OPCML: variants seen among roughly 807,000 people sequenced by gnomAD.
OPCML encodes opioid binding protein/cell adhesion molecule like, also known as opioid-binding protein/cell adhesion molecule.
A neutral mutation model predicts 37.8 loss-of-function variants in OPCML; 13 were observed. The ratio of observed to expected loss-of-function variants is 0.34; its 90% CI spans 0.22 to 0.55. The LOEUF (loss-of-function observed/expected upper bound fraction) is 0.55. Ranked by LOEUF, OPCML falls within the 20% of genes least tolerant of loss-of-function variation. The probability of loss-of-function intolerance (pLI) is 0.91; values close to 1 mark genes in which losing one functional copy is unlikely to be tolerated. For synonymous variants in OPCML, 176 were observed against 168.8 expected (o/e 1.04, Z -0.33); for missense variants, 341 against 435.6 (o/e 0.78, Z 1.93).
At chr11:132,784,079 A>G (rs1947122070) in intron 2 of OPCML, among the ~76,000 whole-genome samples, 1 of 152,198 alleles carries the variant, frequency 6.6e-6, no homozygotes, top group Admixed American at 6.5e-5. Flanking sequence ...GACTGTATAT[A>G]AAAATAAAAC....
At chr11:133,308,530 C>T (rs1170780386) in intron 1 of OPCML, among the ~76,000 whole-genome samples, 1 of 151,968 alleles carries the variant, frequency 6.6e-6, no homozygotes, top group Non-Finnish European at 1.5e-5. Context: ...AAATATACTG[C>T]AGATATATGG....
At chr11:133,010,320 T>A (rs890068621) in intron 1 of OPCML, among the ~76,000 whole-genome samples, 37 of 152,216 alleles carry the variant, frequency 2.4e-4, no homozygotes, top group Admixed American at 2.2e-3. Flanking sequence ...CAGAAAGTGT[T>A]TGTCATTATT....
At chr11:132,635,104 GAGT>G (rs1437747696) in intron 3 of OPCML, among the ~76,000 whole-genome samples, 1 of 152,144 alleles carries the variant, frequency 6.6e-6, no homozygotes, top group African/African-American at 2.4e-5. Context: ...TTACAGTGTG[GAGT>G]AGTTCTTCTG....
At chr11:132,898,169 C>T (rs774019535) in intron 2 of OPCML, among the ~76,000 whole-genome samples, 5 of 152,208 alleles carry the variant, frequency 3.3e-5, no homozygotes, top group Admixed American at 1.3e-4. Flanking sequence ...CAGAGACCAA[C>T]GCTGAAACCC....
At chr11:132,957,515 C>G (rs1158790384) in intron 1 of OPCML, among the ~76,000 whole-genome samples, 2 of 151,934 alleles carry the variant, frequency 1.3e-5, no homozygotes, top group Non-Finnish European at 2.9e-5. Flanking sequence ...TATAAATAAA[C>G]AAACACACAT....
intron 1 of OPCML, among the ~76,000 whole-genome samples, chr11:133,400,022 G>A (rs1029814129): frequency 1.6e-4 from 24 of 152,140 alleles, no homozygotes; most frequent in Non-Finnish European, 3.2e-4. Context: ...AGGGCCACCT[G>A]TCTTCCATAA....
intron 1 of OPCML, among the ~76,000 whole-genome samples, chr11:133,373,074 T>A (rs143057701): frequency 6.6e-6 from 1 of 152,214 alleles, no homozygotes; most frequent in Non-Finnish European, 1.5e-5. Flanking sequence ...AGAAAAAAAT[T>A]AATACAGTGC....
At chr11:132,802,405 A>G (rs548913903) in intron 2 of OPCML, among the ~76,000 whole-genome samples, 4 of 152,252 alleles carry the variant, frequency 2.6e-5, no homozygotes, top group Admixed American at 2.0e-4. Context: ...TGCATCATGA[A>G]TCACCCTTTG....
intron 1 of OPCML, among the ~76,000 whole-genome samples, chr11:133,482,347 G>A (rs776448211): frequency 5.3e-5 from 8 of 152,210 alleles, no homozygotes; most frequent in Non-Finnish European, 1.0e-4. Context: ...GGTGGCTAGC[G>A]AGGTGTTCCT....
intron 1 of OPCML, among the ~76,000 whole-genome samples, chr11:133,405,335 T>A (rs188299752): frequency 9.8e-5 from 15 of 152,334 alleles, no homozygotes; most frequent in Admixed American, 3.9e-4. Context: ...AGACTGTGTC[T>A]TGCGGCCACA....
intron 2 of OPCML, among the ~76,000 whole-genome samples, chr11:132,854,807 G>A (rs1454031908): frequency 6.6e-6 from 1 of 152,190 alleles, no homozygotes; most frequent in African/African-American, 2.4e-5. Flanking sequence ...TTGCATGTAA[G>A]TCTTTGTGGG....
chr11:132,726,653 G>GT (rs1292298959), intron 2 of OPCML, among the ~76,000 whole-genome samples: 3 of 152,104 alleles, frequency 2.0e-5, no homozygotes, highest in Non-Finnish European at 4.4e-5. Context: ...AGCGGGCAGC[G>GT]TAAGTGTGTG....
At chr11:132,956,311 G>A (rs1945977394) in intron 1 of OPCML, among the ~76,000 whole-genome samples, 1 of 152,162 alleles carries the variant, frequency 6.6e-6, no homozygotes, top group Admixed American at 6.5e-5. Flanking sequence ...CAGGTATTAG[G>A]ATTCTAATCA....
intron 1 of OPCML, among the ~76,000 whole-genome samples, chr11:133,167,801 T>C (rs916579513): frequency 6.6e-6 from 1 of 152,162 alleles, no homozygotes; most frequent in Non-Finnish European, 1.5e-5. Flanking sequence ...GTGGATTTCT[T>C]TCCAGTTCTC....
intron 4 of OPCML, among the ~76,000 whole-genome samples, chr11:132,528,013 C>A (rs1005474166): frequency 2.6e-5 from 4 of 152,166 alleles, no homozygotes; most frequent in African/African-American, 9.7e-5. Flanking sequence ...GATTCTCCCT[C>A]AGACTCTTGA....
chr11:132,615,012 T>C (rs1175411938), intron 3 of OPCML, among the ~76,000 whole-genome samples: 2 of 152,202 alleles, frequency 1.3e-5, no homozygotes, highest in Non-Finnish European at 2.9e-5. Context: ...ATTGAACATA[T>C]AAATAATGCA....
intron 7 of OPCML, 94 bp from the exon 8 acceptor site, chr11:132,420,387 C>T (rs1482297423): frequency 8.0e-6 from 12 of 1,507,326 alleles, no homozygotes; most frequent in Admixed American, 2.2e-5. Context: ...TGCTTCCCAC[C>T]TTCCACCCTT....
intron 1 of OPCML, among the ~76,000 whole-genome samples, chr11:133,249,283 T>C (rs1941049546): frequency 6.6e-6 from 1 of 151,976 alleles, no homozygotes; most frequent in East Asian, 1.9e-4. Flanking sequence ...CATCCCATGG[T>C]GAGAGAGGAA....
At chr11:132,591,159 G>T (rs1371088432) in intron 3 of OPCML, among the ~76,000 whole-genome samples, 1 of 152,252 alleles carries the variant, frequency 6.6e-6, no homozygotes, top group African/African-American at 2.4e-5. Context: ...ATAATCTCCT[G>T]CATGTGATGC....
Sources: gnomAD v4.1 joint callset for allele counts (sites outside exome capture counted in the v4.1 genomes callset) on GRCh38, gnomAD v4.1.1 for gene constraint, MANE v1.5 for transcripts, NCBI Gene and HGNC (gene_info 2026-07-23, HGNC 2026-07-21) for gene names.